DZIP1L: variants seen among roughly 807,000 people sequenced by gnomAD.
DZIP1L encodes cilium assembly protein DZIP1L.
Under a neutral mutation model 88.7 loss-of-function variants are expected in DZIP1L, and 90 were observed. That is an observed-to-expected ratio of 1.02 (90% CI 0.86 to 1.21). The LOEUF (loss-of-function observed/expected upper bound fraction) is 1.21. DZIP1L is among the 50% of genes most tolerant of loss of function. DZIP1L has a pLI of 0.00. For missense variants in DZIP1L, 932 were observed against 955.8 expected (o/e 0.98, Z 0.33); for synonymous variants, 363 against 372.1 (o/e 0.98, Z 0.28).
At chr3:138,097,915 T>G in intron 2 of DZIP1L, 68 bp from the exon 3 acceptor site, 1 of 1,391,108 alleles carries the variant, frequency 7.2e-7, no homozygotes, top group Non-Finnish European at 1.0e-6. Flanking sequence ...ATTTTCCCTA[T>G]ATCAAAGCCC....
chr3:138,099,732 T>G (rs1052729025), intron 2 of DZIP1L, among the ~76,000 whole-genome samples: 1 of 152,078 alleles, frequency 6.6e-6, no homozygotes, highest in African/African-American at 2.4e-5. Flanking sequence ...GAGCCTGGCA[T>G]TCCTCTCCCC....
chr3:138,103,060 G>A (rs964556063), intron 2 of DZIP1L: 4 of 434,698 alleles, frequency 9.2e-6, no homozygotes, highest in African/African-American at 6.0e-5. Flanking sequence ...CATAGTACAA[G>A]CACACATTAC....
intron 11 of DZIP1L, among the ~76,000 whole-genome samples, chr3:138,074,902 G>A (rs1415249122): frequency 3.3e-5 from 5 of 151,914 alleles, no homozygotes; most frequent in South Asian, 2.1e-4. Flanking sequence ...GTCTTCAGAA[G>A]ACTCACCTAA....
chr3:138,084,274 GGTCA>G, intron 7 of DZIP1L, 21 bp from the exon 8 acceptor site: 1 of 1,611,130 alleles, frequency 6.2e-7, no homozygotes, highest in South Asian at 1.1e-5. Flanking sequence ...CAAGATGGCT[GGTCA>G]GTCAAATGTC....
intron 1 of DZIP1L, among the ~76,000 whole-genome samples, chr3:138,111,787 G>C (rs1354113147): frequency 1.3e-5 from 2 of 152,130 alleles, no homozygotes; most frequent in Non-Finnish European, 2.9e-5. Context: ...CTGAGGTCAG[G>C]AGTTCAAGAC....
At chr3:138,072,415 T>C (rs531296460) in intron 11 of DZIP1L, among the ~76,000 whole-genome samples, 9 of 152,196 alleles carry the variant, frequency 5.9e-5, no homozygotes, top group African/African-American at 1.4e-4. Flanking sequence ...AATCTGAATA[T>C]AGGGCCAAAG....
chr3:138,102,031 G>C lies in DZIP1L; in HGVS notation c.501+1440C>G, dbSNP rs1049178147. 3 of 1,470,246 alleles carry C rather than the reference G, an allele frequency of 2.0e-6. No homozygotes were observed. In the African/African-American group the frequency reaches 4.2e-5, roughly 20 times the overall value. 91.1% of individuals were successfully genotyped at this position (1,470,246 alleles called of 1,614,324 possible). ...TTTGTATGCTGCAGGTCATCTCCATGCTTCCCAGCCAGCATCTGCAGCTCC... is the reference window on the plus strand; with the variant it reads ...TTTGTATGCTGCAGGTCATCTCCATCCTTCCCAGCCAGCATCTGCAGCTCC... On this transcript the variant is annotated intron_variant, in intron 2 of 15. Coordinates refer to ENST00000327532, the MANE Select transcript of DZIP1L (RefSeq NM_173543.3).
intron 5 of DZIP1L, chr3:138,088,751 T>C: frequency 8.6e-7 from 1 of 1,166,602 alleles, no homozygotes; most frequent in Non-Finnish European, 1.1e-6. Context: ...AAGAGTGTAG[T>C]TTCCATTTCA....
chr3:138,071,670 C>A lies in DZIP1L; in HGVS notation c.1588G>T (p.Val530Leu). Residue 530 changes from valine (V) to leucine (L), a missense_variant, in exon 12 of 16, where the codon GTG becomes TTG. Val to Leu is a conservative substitution (Grantham distance 32, BLOSUM62 1). Transcript: ENST00000327532. Reference sequence around the variant, plus strand: ...GAAGGCTGCCCGTCTGGCTGGGACACCACAGCGCCATTCTCCTGTCTCTCC... The same window carrying A: ...GAAGGCTGCCCGTCTGGCTGGGACAACACAGCGCCATTCTCCTGTCTCTCC... ...AKERQENGAVVSQPDGQPSVK... is the reference protein window; with the variant it reads ...AKERQENGAVLSQPDGQPSVK... The A allele has an allele frequency of 1.2e-6, 2 of 1,613,886 alleles. No individual in the cohort carries two copies. Among genetic ancestry groups the A allele is most frequent in the Non-Finnish European group, 1.7e-6 (2 of 1,179,836 alleles).
At chr3:138,067,845 C>T (rs1174220510) in intron 13 of DZIP1L, 145 bp from the exon 14 acceptor site, 1 of 930,860 alleles carries the variant, frequency 1.1e-6, no homozygotes, top group Non-Finnish European at 1.5e-6. Context: ...GCCAGGAGAC[C>T]CCTGGAGTGC....
At chr3:138,109,948 G>C (rs191380309) in intron 1 of DZIP1L, among the ~76,000 whole-genome samples, 2 of 150,684 alleles carry the variant, frequency 1.3e-5, no homozygotes, top group African/African-American at 2.4e-5. Flanking sequence ...ATCACACACC[G>C]GGCTTCCTGA....
At chr3:138,111,454 C>A (rs890699721) in intron 1 of DZIP1L, among the ~76,000 whole-genome samples, 1 of 152,174 alleles carries the variant, frequency 6.6e-6, no homozygotes, top group African/African-American at 2.4e-5. Flanking sequence ...TGAGAAGTCG[C>A]AGTGCCCACG....
intron 1 of DZIP1L, among the ~76,000 whole-genome samples, chr3:138,106,170 G>T (rs542969919): frequency 9.3e-6 from 1 of 107,970 alleles, no homozygotes; most frequent in Non-Finnish European, 1.7e-5. Flanking sequence ...ACAGTGTCTC[G>T]CACTGTCGCC....
chr3:138,082,287 C>G (rs1422363164), intron 8 of DZIP1L, among the ~76,000 whole-genome samples: 1 of 152,150 alleles, frequency 6.6e-6, no homozygotes, highest in Non-Finnish European at 1.5e-5. Flanking sequence ...GGCAGGACAG[C>G]CACAGGTGAA....
At chr3:138,097,922 G>GC (rs1266843885) in intron 2 of DZIP1L, 75 bp from the exon 3 acceptor site, 5 of 1,321,198 alleles carry the variant, frequency 3.8e-6, no homozygotes, top group Admixed American at 1.9e-5. Flanking sequence ...CTATATCAAA[G>GC]CCCCCATCCC....
chr3:138,073,527 T>A (rs1943271000), intron 11 of DZIP1L, among the ~76,000 whole-genome samples: 1 of 152,110 alleles, frequency 6.6e-6, no homozygotes. Context: ...GAGCACTACA[T>A]CAAGGGAGCA....
intron 15 of DZIP1L, among the ~76,000 whole-genome samples, chr3:138,064,122 G>T (rs1942789681): frequency 6.6e-6 from 1 of 151,544 alleles, no homozygotes; most frequent in African/African-American, 2.4e-5. Flanking sequence ...CTGAGGCAAG[G>T]AGGCTCAGGT....
At position 138,087,054 on chromosome 3, in the gene DZIP1L, C is replaced by G. The variant is rs767874963; in HGVS notation, c.1000-31G>C. On this transcript the variant is annotated intron_variant, in intron 6 of 15. Coordinates refer to ENST00000327532, the MANE Select transcript of DZIP1L (RefSeq NM_173543.3). ...AAAGATTAAAAGCTTATCAAATGGG[C>G]CCTTGCAGGTATTAAAACATGTTAT... 188 of 1,606,522 alleles carry G rather than the reference C, an allele frequency of 1.2e-4. 3 individuals are homozygous for G. The highest frequency in any genetic ancestry group is 1.6e-4 in the Middle Eastern group (1 of 6,066).
At chr3:138,099,512 G>C (rs1023137695) in intron 2 of DZIP1L, among the ~76,000 whole-genome samples, 2 of 152,190 alleles carry the variant, frequency 1.3e-5, no homozygotes, top group Non-Finnish European at 2.9e-5. Context: ...GGAATCTCCA[G>C]AGTAATAAGA....
Sources: allele counts gnomAD v4.1 joint callset (sites outside exome capture counted in the v4.1 genomes callset), GRCh38; gene constraint gnomAD v4.1.1; transcripts MANE v1.5; gene names NCBI Gene and HGNC (gene_info 2026-07-23, HGNC 2026-07-21).